The following NCOA5 variants were observed in gnomAD, a reference collection of about 807,000 sequenced individuals.
NCOA5 encodes NCoA-5.
NCOA5 carries 12 observed loss-of-function variants against 59.0 expected under a neutral mutation model. That is an observed-to-expected ratio of 0.20 (90% CI 0.13 to 0.33). The LOEUF is 0.33. Ranked by LOEUF, NCOA5 falls within the 10% of genes least tolerant of loss-of-function variation. The probability of loss-of-function intolerance (pLI) is 1.00; values close to 1 mark genes in which losing one functional copy is unlikely to be tolerated. For missense variants in NCOA5, 655 were observed against 766.6 expected (o/e 0.85, Z 1.72); for synonymous variants, 270 against 275.5 (o/e 0.98, Z 0.20).
Position 46,067,195 on chromosome 20 carries a change from C to T in NCOA5, c.503-14G>A, listed in dbSNP as rs751452866. On this transcript the variant is annotated splice_polypyrimidine_tract_variant and intron_variant, in intron 4 of 7. Coordinates refer to ENST00000290231, the MANE Select transcript of NCOA5 (RefSeq NM_020967.3). ...GTTTCAAACGCTCTGCAAAACACCA[C>T]CAGGGTAAACTGAAATAAGGACTGG... The T allele has an allele frequency of 2.7e-5, 44 of 1,609,948 alleles. No individual in the cohort carries two copies. The South Asian group carries it at 3.9e-4, about 14-fold the overall frequency.
chr20:46,089,580 CCA>C (rs1383152842), intron 1 of NCOA5, among the ~76,000 whole-genome samples: 2 of 152,176 alleles, frequency 1.3e-5, no homozygotes, highest in African/African-American at 2.4e-5. Flanking sequence ...CCTGCGTCCA[CCA>C]CAGAGAACCG....
At chr20:46,075,865 G>A (rs1425666466) in intron 2 of NCOA5, among the ~76,000 whole-genome samples, 1 of 152,176 alleles carries the variant, frequency 6.6e-6, no homozygotes, top group African/African-American at 2.4e-5. Flanking sequence ...AAGAATTCAG[G>A]CTGAAATGTG....
chr20:46,077,226 A>G (rs1371739902), intron 2 of NCOA5, among the ~76,000 whole-genome samples: 1 of 152,172 alleles, frequency 6.6e-6, no homozygotes, highest in Non-Finnish European at 1.5e-5. Flanking sequence ...TCATTTTATA[A>G]GGCCCTCTCC....
At chr20:46,077,448 T>C (rs2084949225) in intron 2 of NCOA5, among the ~76,000 whole-genome samples, 1 of 152,206 alleles carries the variant, frequency 6.6e-6, no homozygotes, top group East Asian at 1.9e-4. Context: ...TGGTTAAGTA[T>C]CATTAACAGG....
chr20:46,064,750 C>T (rs1226400245), intron 6 of NCOA5, among the ~76,000 whole-genome samples: 2 of 152,192 alleles, frequency 1.3e-5, no homozygotes, highest in Admixed American at 1.3e-4. Flanking sequence ...TCAGCAAATG[C>T]TATAAACGCC....
intron 2 of NCOA5, among the ~76,000 whole-genome samples, chr20:46,078,544 C>A (rs533767165): frequency 2.7e-5 from 4 of 145,604 alleles, no homozygotes; most frequent in African/African-American, 1.1e-4. Context: ...TCAATTAATC[C>A]ATTTGGGCCT....
At chr20:46,071,158 G>GAATAA (rs1555872337) in intron 2 of NCOA5, among the ~76,000 whole-genome samples, 2 of 149,266 alleles carry the variant, frequency 1.3e-5, no homozygotes, top group South Asian at 4.2e-4. Flanking sequence ...AAAAAAAAGA[G>GAATAA]AACAAAACAA....
intron 4 of NCOA5, 81 bp from the exon 5 acceptor site, chr20:46,067,262 T>C (rs1239831776): frequency 6.7e-7 from 1 of 1,496,838 alleles, no homozygotes; most frequent in Non-Finnish European, 9.0e-7. Context: ...GCAAAGGTCA[T>C]AATACTCTGA....
Position 46,065,341 on chromosome 20 carries a change from C to T in NCOA5, c.630-113G>A, listed in dbSNP as rs943179094. The stretch of plus-strand genomic sequence containing the variant: ...ACTCAAACCTTAGTCTACCCCAGTA[C>T]CGTATTCAGGATCCAAGTATCTAGA... On this transcript the variant is annotated intron_variant, in intron 5 of 7. Transcript: ENST00000290231. 3.2e-5 allele frequency: 31 copies of T among 968,088 alleles called. No homozygotes were observed. In the Admixed American group the frequency reaches 5.0e-4, roughly 16 times the overall value. The allele number at this position is 968,088 out of a possible 1,614,324, so 60.0% of individuals were successfully genotyped here.
chr20:46,072,732 CCT>C (rs2084896221), intron 2 of NCOA5, among the ~76,000 whole-genome samples: 1 of 152,198 alleles, frequency 6.6e-6, no homozygotes, highest in Non-Finnish European at 1.5e-5. Context: ...TCCCCTACTC[CCT>C]GATTGTTAGA....
intron 1 of NCOA5, 129 bp downstream of exon 1, chr20:46,089,688 G>A (rs913577847): frequency 6.6e-6 from 1 of 152,062 alleles, no homozygotes; most frequent in Non-Finnish European, 1.5e-5. Context: ...ACCCGGAGAG[G>A]AGCCGAGACC....
Position 46,062,332 on chromosome 20 carries a change from C to T in NCOA5, c.1708G>A (p.Ala570Thr), listed in dbSNP as rs1484342220. The T allele has an allele frequency of 3.1e-6, 5 of 1,613,738 alleles. No homozygotes were observed. Among genetic ancestry groups the T allele is most frequent in the Non-Finnish European group, 4.2e-6 (5 of 1,179,930 alleles). Residue 570 changes from alanine to threonine, a missense_variant, in exon 8 of 8, where the codon GCC becomes ACC. Ala to Thr is a moderately conservative substitution (Grantham distance 58, BLOSUM62 0). Transcript: ENST00000290231. Reference protein sequence around the residue: ...QTTAQMGQPQAPMGSYQRHY With the variant: ...QTTAQMGQPQTPMGSYQRHY The stretch of plus-strand genomic sequence containing the variant: ...TGCCTCTGGTAAGATCCCATGGGGG[C>T]CTGTGGCTGCCCCATCTGTGCTGTG...
intron 7 of NCOA5, 151 bp from the exon 8 acceptor site, chr20:46,063,040 T>C (rs1313869849): frequency 1.4e-6 from 1 of 733,698 alleles, no homozygotes; most frequent in East Asian, 2.7e-5. Context: ...CGCTTCATGA[T>C]ATGTGCTGTT....
At chr20:46,068,684 C>T (rs1474079220) in intron 3 of NCOA5, 46 bp from the exon 4 acceptor site, 2 of 1,578,326 alleles carry the variant, frequency 1.3e-6, no homozygotes, top group South Asian at 1.2e-5. Flanking sequence ...TGTGTCTTAT[C>T]CTGAAAAAGT....
intron 5 of NCOA5, among the ~76,000 whole-genome samples, chr20:46,066,234 T>C (rs1240931471): frequency 6.6e-6 from 1 of 152,344 alleles, no homozygotes; most frequent in East Asian, 1.9e-4. Flanking sequence ...TCCTTTCTGC[T>C]TCTCTGCTCT....
At chr20:46,078,367 C>A (rs1000444715) in intron 2 of NCOA5, among the ~76,000 whole-genome samples, 3 of 152,190 alleles carry the variant, frequency 2.0e-5, no homozygotes, top group Admixed American at 6.5e-5. Flanking sequence ...ATGCGTAATG[C>A]TCAGTTAGTT....
chr20:46,063,957 G>A (rs577472801), intron 6 of NCOA5, among the ~76,000 whole-genome samples: 1 of 152,202 alleles, frequency 6.6e-6, no homozygotes, highest in Non-Finnish European at 1.5e-5. Flanking sequence ...AAAGAAACAT[G>A]ACATCCTCCC....
At chr20:46,076,332 A>AAGG (rs377329815) in intron 2 of NCOA5, among the ~76,000 whole-genome samples, 4 of 92,686 alleles carry the variant, frequency 4.3e-5, no homozygotes, top group Non-Finnish European at 7.1e-5. Context: ...CATGCACCCA[A>AAGG]AGGAGGTACC....
Position 46,089,357 on chromosome 20 carries a change from C to G in NCOA5, c.-30+460G>C, listed in dbSNP as rs150257896. Reference sequence around the variant, plus strand: ...GGACAGCGCTCAGTACACCGCTCGGCGCTGCACGCCTGGAGAACGCCCGGT... The same window carrying G: ...GGACAGCGCTCAGTACACCGCTCGGGGCTGCACGCCTGGAGAACGCCCGGT... On this transcript the variant is annotated intron_variant, in intron 1 of 7. Coordinates refer to ENST00000290231, the MANE Select transcript of NCOA5 (RefSeq NM_020967.3). Among the ~76,000 whole-genome samples, 416 of 152,342 alleles carry G rather than the reference C, an allele frequency of 2.7e-3. 1 individual carries two copies. The highest frequency in any genetic ancestry group is 9.8e-3 in the African/African-American group (406 of 41,580).
Sources: allele counts gnomAD v4.1 joint callset (sites outside exome capture counted in the v4.1 genomes callset), GRCh38; gene constraint gnomAD v4.1.1; transcripts MANE v1.5; gene names NCBI Gene and HGNC (gene_info 2026-07-23, HGNC 2026-07-21).